Variants in GRIK2 observed in about 807,000 individuals in gnomAD.
GRIK2 encodes the protein glutamate ionotropic receptor kainate type subunit 2.
GRIK2 carries 32 observed loss-of-function variants against 100.3 expected under a neutral mutation model. That is an observed-to-expected ratio of 0.32 (90% CI 0.24 to 0.43). GRIK2 has a LOEUF of 0.43. GRIK2 is among the 20% of genes least tolerant of loss of function. The pLI is 1.00. For synonymous variants in GRIK2, 417 were observed against 389.4 expected (o/e 1.07, Z -0.83); for missense variants, 843 against 1,114.9 (o/e 0.76, Z 3.47).
At chr6:101,860,939 A>G in intron 11 of GRIK2, 1 of 927,236 alleles carries the variant, frequency 1.1e-6, no homozygotes, top group Non-Finnish European at 1.3e-6. Flanking sequence ...TAGTCCTTGA[A>G]AAAAGACCTT....
intron 14 of GRIK2, among the ~76,000 whole-genome samples, chr6:102,013,469 T>G (rs940259080): frequency 6.6e-6 from 1 of 151,908 alleles, no homozygotes; most frequent in Non-Finnish European, 1.5e-5. Context: ...TTCAATACTA[T>G]TTTGAATAGG....
At chr6:101,539,276 T>C (rs750945511) in intron 2 of GRIK2, among the ~76,000 whole-genome samples, 19 of 151,728 alleles carry the variant, frequency 1.3e-4, no homozygotes, top group Non-Finnish European at 2.7e-4. Context: ...CAACCATACA[T>C]AGCAGAAACA....
chr6:101,723,616 T>G (rs1562335721), intron 7 of GRIK2, among the ~76,000 whole-genome samples: 1 of 152,024 alleles, frequency 6.6e-6, no homozygotes, highest in Non-Finnish European at 1.5e-5. Flanking sequence ...GGAACCTTAT[T>G]GATCAGTTAG....
At chr6:101,432,808 C>T (rs1769484038) in intron 2 of GRIK2, among the ~76,000 whole-genome samples, 1 of 152,132 alleles carries the variant, frequency 6.6e-6, no homozygotes, top group African/African-American at 2.4e-5. Flanking sequence ...GAGAAGGGAT[C>T]ATCTAAATAT....
At chr6:101,555,752 C>T (rs940073484) in intron 2 of GRIK2, among the ~76,000 whole-genome samples, 4 of 151,984 alleles carry the variant, frequency 2.6e-5, no homozygotes, top group Non-Finnish European at 5.9e-5. Context: ...AAACATTATG[C>T]ATTTGATCTT....
intron 11 of GRIK2, among the ~76,000 whole-genome samples, chr6:101,870,730 G>A (rs1029653433): frequency 6.6e-6 from 1 of 151,648 alleles, no homozygotes; most frequent in Admixed American, 6.6e-5. Context: ...AAAAAATTGG[G>A]TAAAGTTGGT....
chr6:101,545,144 T>A (rs1327326575), intron 2 of GRIK2, among the ~76,000 whole-genome samples: 1 of 152,196 alleles, frequency 6.6e-6, no homozygotes, highest in African/African-American at 2.4e-5. Flanking sequence ...TTTTAGATGA[T>A]GTTCATAATT....
At chr6:101,592,787 C>G (rs1778735799) in intron 2 of GRIK2, among the ~76,000 whole-genome samples, 1 of 150,810 alleles carries the variant, frequency 6.6e-6, no homozygotes, top group Non-Finnish European at 1.5e-5. Flanking sequence ...GATTAAAACA[C>G]TTAATTTTTA....
chr6:101,864,501 A>G (rs2128445450), intron 11 of GRIK2, among the ~76,000 whole-genome samples: 2 of 152,354 alleles, frequency 1.3e-5, no homozygotes, highest in Middle Eastern at 6.8e-3. Context: ...GAAACAGCAT[A>G]CAAACAGTTC....
intron 1 of GRIK2, among the ~76,000 whole-genome samples, chr6:101,394,601 C>G (rs1294439886): frequency 6.6e-6 from 1 of 152,176 alleles, no homozygotes; most frequent in African/African-American, 2.4e-5. Context: ...TGTAAGTATT[C>G]TGTCATCAGA....
chr6:101,917,341 T>C lies in GRIK2; in HGVS notation c.1749-7260T>C, dbSNP rs553473321. Among the ~76,000 whole-genome samples the C allele has an allele frequency of 3.3e-5, 5 of 151,812 alleles. No individual in the cohort carries two copies. In the South Asian group the frequency reaches 1.0e-3, roughly 31 times the overall value. On this transcript the variant is annotated intron_variant, in intron 12 of 16. Transcript: ENST00000369134. ...AACACACCAGTGGATCCATGCTCACTTGTGTTGGCACCAAACTGGCCTGAT... is the reference window on the plus strand; with the variant it reads ...AACACACCAGTGGATCCATGCTCACCTGTGTTGGCACCAAACTGGCCTGAT...
At chr6:101,559,523 T>A (rs1303037213) in intron 2 of GRIK2, among the ~76,000 whole-genome samples, 1 of 152,130 alleles carries the variant, frequency 6.6e-6, no homozygotes, top group Non-Finnish European at 1.5e-5. Flanking sequence ...ATTACAATTA[T>A]ATGTGACAGA....
intron 12 of GRIK2, among the ~76,000 whole-genome samples, chr6:101,921,609 G>A (rs1789525811): frequency 1.3e-5 from 2 of 152,042 alleles, no homozygotes; most frequent in Admixed American, 1.3e-4. Flanking sequence ...AATGGAGCTA[G>A]AATAAGAGTT....
At chr6:101,729,157 T>G (rs1417164879) in intron 7 of GRIK2, among the ~76,000 whole-genome samples, 1 of 152,036 alleles carries the variant, frequency 6.6e-6, no homozygotes, top group Non-Finnish European at 1.5e-5. Flanking sequence ...TTCCTTGGAT[T>G]GCAGATGTCT....
intron 7 of GRIK2, among the ~76,000 whole-genome samples, chr6:101,783,513 T>C (rs1297240735): frequency 6.6e-6 from 1 of 152,174 alleles, no homozygotes; most frequent in Non-Finnish European, 1.5e-5. Context: ...AGAGAATTGG[T>C]ACTGAAAGTG....
At chr6:101,970,040 C>T (rs181275878) in intron 14 of GRIK2, among the ~76,000 whole-genome samples, 2 of 152,144 alleles carry the variant, frequency 1.3e-5, no homozygotes, top group East Asian at 3.9e-4. Flanking sequence ...AGACCAATCC[C>T]ACTGAAATCA....
At chr6:101,588,467 C>T (rs559363334) in intron 2 of GRIK2, among the ~76,000 whole-genome samples, 1 of 66,770 alleles carries the variant, frequency 1.5e-5, no homozygotes, top group South Asian at 7.5e-4. Context: ...TATCAAAAAG[C>T]CACAGAATTG....
At chr6:101,692,663 G>A (rs921797041) in intron 7 of GRIK2, among the ~76,000 whole-genome samples, 1 of 151,908 alleles carries the variant, frequency 6.6e-6, no homozygotes, top group Non-Finnish European at 1.5e-5. Flanking sequence ...AATCATTTAT[G>A]ATAGCAAGAG....
In GRIK2 at chr6:101,494,616, A is replaced by T. The variant is rs1332330076; in HGVS notation, c.115+95224A>T. Among the ~76,000 whole-genome samples the T allele has an allele frequency of 2.6e-5, 4 of 151,936 alleles. No individual in the cohort carries two copies. In the East Asian group the frequency reaches 7.7e-4, roughly 29 times the overall value. Reference sequence around the variant, plus strand: ...AAATATTATACATCTTAATACATTTAAAAACACAATACTTCATATTATGTA... The same window carrying T: ...AAATATTATACATCTTAATACATTTTAAAACACAATACTTCATATTATGTA... On this transcript the variant is annotated intron_variant, in intron 2 of 16. Transcript: ENST00000369134.
Sources: allele counts gnomAD v4.1 joint callset (sites outside exome capture counted in the v4.1 genomes callset), GRCh38; gene constraint gnomAD v4.1.1; transcripts MANE v1.5; gene names NCBI Gene and HGNC (gene_info 2026-07-23, HGNC 2026-07-21).